OSBPL6: variants seen among roughly 807,000 people sequenced by gnomAD.
OSBPL6 encodes the protein oxysterol binding protein like 6.
OSBPL6 carries 49 observed loss-of-function variants against 125.8 expected under a neutral mutation model. The observed-to-expected ratio is 0.39, with a 90% CI of 0.31 to 0.49. OSBPL6 has a LOEUF of 0.49. Ranked by LOEUF, OSBPL6 falls within the 20% of genes least tolerant of loss-of-function variation. The pLI is 0.88. For missense variants in OSBPL6, 986 were observed against 1,135.4 expected (o/e 0.87, Z 1.89); for synonymous variants, 394 against 391.8 (o/e 1.01, Z -0.07).
At chr2:178,221,512 A>G (rs929887777) in intron 1 of OSBPL6, among the ~76,000 whole-genome samples, 11 of 152,244 alleles carry the variant, frequency 7.2e-5, no homozygotes, top group African/African-American at 2.7e-4. Context: ...GTTAAGTTCT[A>G]AGATAATTAT....
chr2:178,292,951 G>A (rs1365742990), intron 2 of OSBPL6, among the ~76,000 whole-genome samples: 4 of 151,876 alleles, frequency 2.6e-5, no homozygotes, highest in Non-Finnish European at 4.4e-5. Flanking sequence ...GTACTGTAGA[G>A]TTTATTTAAA....
chr2:178,220,524 T>A (rs1260740752), intron 1 of OSBPL6, among the ~76,000 whole-genome samples: 1 of 152,156 alleles, frequency 6.6e-6, no homozygotes, highest in East Asian at 1.9e-4. Context: ...CAGGCTGGTC[T>A]TGAACTCCTG....
intron 1 of OSBPL6, among the ~76,000 whole-genome samples, chr2:178,213,197 C>T (rs1005234606): frequency 2.0e-5 from 3 of 151,990 alleles, no homozygotes; most frequent in African/African-American, 7.2e-5. Flanking sequence ...AGGAATTTAT[C>T]CTCAGTCTTC....
intron 20 of OSBPL6, among the ~76,000 whole-genome samples, chr2:178,388,265 T>C (rs1016114115): frequency 1.3e-5 from 2 of 152,212 alleles, no homozygotes; most frequent in Admixed American, 1.3e-4. Context: ...CTTCAGTCTT[T>C]TCCCGAAGAA....
chr2:178,277,692 C>T (rs942367219), intron 1 of OSBPL6, among the ~76,000 whole-genome samples: 1 of 152,190 alleles, frequency 6.6e-6, no homozygotes, highest in Non-Finnish European at 1.5e-5. Context: ...TTGTTTCTCA[C>T]TGATTATTTT....
chr2:178,279,037 A>G (rs1332247237), intron 1 of OSBPL6, among the ~76,000 whole-genome samples: 1 of 152,174 alleles, frequency 6.6e-6, no homozygotes, highest in Non-Finnish European at 1.5e-5. Flanking sequence ...AAAGTGTCTC[A>G]TTTCTTGTTT....
At chr2:178,215,254 A>G (rs1011790227) in intron 1 of OSBPL6, among the ~76,000 whole-genome samples, 6 of 152,196 alleles carry the variant, frequency 3.9e-5, no homozygotes, top group African/African-American at 1.4e-4. Flanking sequence ...CTGCTGATGT[A>G]TGCCAAATAA....
At chr2:178,286,762 G>C (rs757145720) in intron 2 of OSBPL6, among the ~76,000 whole-genome samples, 5 of 152,124 alleles carry the variant, frequency 3.3e-5, no homozygotes, top group African/African-American at 7.2e-5. Context: ...TAGGGATTTA[G>C]AGTCCATTTT....
intron 12 of OSBPL6, 73 bp downstream of exon 12, chr2:178,349,462 C>G (rs879109462): frequency 1.3e-6 from 2 of 1,510,592 alleles, no homozygotes; most frequent in South Asian, 2.4e-5. Context: ...GTTCTTTTAT[C>G]TTTGTCTTTG....
chr2:178,228,489 T>A (rs980372910), intron 1 of OSBPL6, among the ~76,000 whole-genome samples: 3 of 152,208 alleles, frequency 2.0e-5, no homozygotes, highest in Admixed American at 2.0e-4. Context: ...GAGCCAAGAT[T>A]GTGCCACTGC....
intron 1 of OSBPL6, among the ~76,000 whole-genome samples, chr2:178,267,796 A>T (rs563101148): frequency 2.7e-5 from 4 of 147,738 alleles, no homozygotes; most frequent in Non-Finnish European, 6.0e-5. Flanking sequence ...TATAAGCAAC[A>T]TATAAAATGT....
chr2:178,266,149 C>G (rs1402634854), intron 1 of OSBPL6, among the ~76,000 whole-genome samples: 1 of 152,084 alleles, frequency 6.6e-6, no homozygotes, highest in East Asian at 1.9e-4. Flanking sequence ...TGGGATGAGG[C>G]AAGGAAGGAA....
rs1428298875 is a variant in OSBPL6, at chr2:178,395,870, A to G, written c.*311A>G. ...AATCCAAAGTCTGACCAGTTTGTAA[A>G]GAAAAACAAATGGTAACTGGTGCTT... On this transcript the variant is annotated 3_prime_UTR_variant, in exon 25 of 25. Transcript: ENST00000190611. 25 of 424,208 alleles carry G rather than the reference A, an allele frequency of 5.9e-5. No individual in the cohort carries two copies. The Admixed American group carries it at 8.5e-4, about 14-fold the overall frequency. The allele number at this position is 424,208 out of a possible 1,614,324, so 26.3% of individuals were successfully genotyped here.
chr2:178,363,094 T>C (rs933843593), intron 13 of OSBPL6, among the ~76,000 whole-genome samples: 3 of 152,206 alleles, frequency 2.0e-5, no homozygotes, highest in Non-Finnish European at 2.9e-5. Flanking sequence ...AATACATTCT[T>C]GTCCCCCTAA....
chr2:178,305,002 G>A (rs1246887626), intron 2 of OSBPL6, among the ~76,000 whole-genome samples: 2 of 152,152 alleles, frequency 1.3e-5, no homozygotes, highest in Admixed American at 6.6e-5. Context: ...CCTCTGGACT[G>A]AAGTTCAGGT....
chr2:178,266,127 A>T (rs2092225513), intron 1 of OSBPL6, among the ~76,000 whole-genome samples: 1 of 152,148 alleles, frequency 6.6e-6, no homozygotes, highest in Non-Finnish European at 1.5e-5. Context: ...TAAGAGGATG[A>T]GTAACATGGT....
intron 2 of OSBPL6, among the ~76,000 whole-genome samples, chr2:178,301,992 C>T (rs1423615681): frequency 2.6e-5 from 4 of 152,192 alleles, no homozygotes; most frequent in Non-Finnish European, 5.9e-5. Context: ...ACATTTGGGG[C>T]TTGGTTGTGA....
In OSBPL6 at chr2:178,306,196, T is replaced by A; in HGVS notation, c.12T>A (p.Asp4Glu). ...CTCTAACTGCAGCGATGAGTTCAGA[T>A]GAGAAGGGCATTTCCCCTGCTCATA... MSS[D>E]EKGISPAHKT... The change falls in exon 3 of 25, where the codon GAT (aspartate) becomes GAA (glutamate). Residue 4 changes from aspartate (D) to glutamate (E), a missense_variant. Around this residue, in one of 3 missense-constraint regions of OSBPL6, gnomAD observed 130 missense variants for 106.4 expected, o/e 1.22. Transcript: ENST00000190611. 6.2e-7 allele frequency: 1 copy of A among 1,612,464 alleles called. No individual in the cohort carries two copies. Among genetic ancestry groups the A allele is most frequent in the Non-Finnish European group, 8.5e-7 (1 of 1,178,538 alleles).
At chr2:178,288,964 TTTA>T (rs1423745686) in intron 2 of OSBPL6, among the ~76,000 whole-genome samples, 9 of 149,030 alleles carry the variant, frequency 6.0e-5, no homozygotes, top group Non-Finnish European at 1.3e-4. Context: ...ACGTTTTTTC[TTTA>T]TTAAGACTTT....
Sources: gnomAD v4.1 joint callset for allele counts (sites outside exome capture counted in the v4.1 genomes callset) on GRCh38, gnomAD v4.1.1 for gene constraint, gnomAD v4.1.1 regional missense constraint, MANE v1.5 for transcripts, NCBI Gene and HGNC (gene_info 2026-07-23, HGNC 2026-07-21) for gene names.